The following CASC3 variants were observed in gnomAD, a reference collection of about 807,000 sequenced individuals.
The protein encoded by CASC3 is CASC3 exon junction complex subunit, also known as protein CASC3.
A neutral mutation model predicts 80.5 loss-of-function variants in CASC3; 30 were observed. That is an observed-to-expected ratio of 0.37 (90% CI 0.28 to 0.51). CASC3 has a LOEUF of 0.51. Ranked by LOEUF, CASC3 falls within the 20% of genes least tolerant of loss-of-function variation. The pLI, the probability that CASC3 is intolerant of heterozygous loss-of-function variation, is 0.94. For synonymous variants in CASC3, 312 were observed against 333.6 expected (o/e 0.94, Z 0.70); for missense variants, 824 against 922.2 (o/e 0.89, Z 1.38).
In CASC3 at chr17:40,171,395, C is replaced by G; in HGVS notation, c.*990C>G. ...CTTCTTTCCATTCTTCTTGCTACAC[C>G]CCTTTTCCAGTTGCTGTGGACCAAT... On this transcript the variant is annotated 3_prime_UTR_variant, in exon 14 of 14. Transcript: ENST00000264645. 1 of 986,102 alleles carries G rather than the reference C, an allele frequency of 1.0e-6. No individual in the cohort carries two copies. The highest frequency in any genetic ancestry group is 1.2e-6 in the Non-Finnish European group (1 of 830,076). The allele number at this position is 986,102 out of a possible 1,614,324, so 61.1% of individuals were successfully genotyped here.
chr17:40,155,464 A>G (rs148309513), intron 3 of CASC3, among the ~76,000 whole-genome samples: 92 of 152,286 alleles, frequency 6.0e-4, no homozygotes, highest in Admixed American at 2.4e-3. Context: ...TTTACTTATA[A>G]TAAAGCATAG....
In CASC3 at chr17:40,167,311, T is replaced by G. The variant is rs994262495; in HGVS notation, c.1537-187T>G. ...ATGCATGTTTCTTTTAATTTGGATCTCCTAAATGTAAGGTAGAAGGTTTAG... is the reference window on the plus strand; with the variant it reads ...ATGCATGTTTCTTTTAATTTGGATCGCCTAAATGTAAGGTAGAAGGTTTAG... On this transcript the variant is annotated intron_variant, in intron 8 of 13. Coordinates refer to ENST00000264645, the MANE Select transcript of CASC3 (RefSeq NM_007359.5). 1.0e-5 allele frequency: 6 copies of G among 588,958 alleles called. No individual in the cohort carries two copies. The African/African-American group carries it at 1.1e-4, about 11-fold the overall frequency. The allele number at this position is 588,958 out of a possible 1,614,324, so 36.5% of individuals were successfully genotyped here.
At chr17:40,159,549 T>G (rs1172633710) in intron 3 of CASC3, among the ~76,000 whole-genome samples, 4 of 144,506 alleles carry the variant, frequency 2.8e-5, no homozygotes, top group Admixed American at 6.8e-5. Flanking sequence ...TGTGTGTTTT[T>G]TTTTTTTTTT....
chr17:40,168,148 A>G, intron 10 of CASC3, 55 bp from the exon 11 acceptor site: 1 of 1,514,176 alleles, frequency 6.6e-7, no homozygotes, highest in Non-Finnish European at 9.2e-7. Flanking sequence ...CAGCCGGGCC[A>G]TCCTGTGAAA....
In CASC3 at chr17:40,152,343, C is replaced by T. The variant is rs150619296; in HGVS notation, c.298-9410C>T. Among the ~76,000 whole-genome samples, 666 of 151,036 alleles carry T rather than the reference C, an allele frequency of 4.4e-3. 21 individuals are homozygous for T. Among genetic ancestry groups the T allele is most frequent in the Admixed American group, 0.031 (474 of 15,096 alleles). On this transcript the variant is annotated intron_variant, in intron 3 of 13. Transcript: ENST00000264645. ...TTTTATTTTTATTTTTTTTTTGAGA[C>T]GGAGTTTCACTCTTGTTGCCCAGGC...
chr17:40,165,698 G>A (rs1027463850), intron 7 of CASC3, among the ~76,000 whole-genome samples: 4 of 150,474 alleles, frequency 2.7e-5, no homozygotes, highest in Non-Finnish European at 5.9e-5. Context: ...ATAGAACTTT[G>A]TGTAATGATT....
At chr17:40,170,304 G>T in intron 13 of CASC3, 143 bp from the exon 14 acceptor site, 1 of 343,574 alleles carries the variant, frequency 2.9e-6, no homozygotes, top group Non-Finnish European at 4.1e-6. Flanking sequence ...TAGAGGAGAA[G>T]GACTGGGGGT....
chr17:40,169,674 A>G lies in CASC3; in HGVS notation c.*41+12A>G. On this transcript the variant is annotated intron_variant, in intron 13 of 13. Transcript: ENST00000264645. ...AACATCATATAAAAGTAAGTGCACA[A>G]CTTACTGTGAATATTGTTAAAACTA... 3 of 1,385,274 alleles carry G rather than the reference A, an allele frequency of 2.2e-6. No homozygotes were observed. The highest frequency in any genetic ancestry group is 3.0e-6 in the Non-Finnish European group (3 of 1,010,990). The allele number at this position is 1,385,274 out of a possible 1,614,324, so 85.8% of individuals were successfully genotyped here.
In CASC3 at chr17:40,167,581, C is replaced by T; in HGVS notation, c.1620C>T (p.Ile540=). ...VPEPPAPPVH[I]SIMEGHYYDP... ...AGCCCCCCGCCCCTCCAGTGCATATCAGTATCATGGAGGGACATTACTATG... is the reference window on the plus strand; with the variant it reads ...AGCCCCCCGCCCCTCCAGTGCATATTAGTATCATGGAGGGACATTACTATG... The change falls in exon 9 of 14, where the codon ATC becomes ATT. Residue 540 remains isoleucine, a synonymous_variant. Transcript: ENST00000264645. 2 of 1,613,556 alleles carry T rather than the reference C, an allele frequency of 1.2e-6. No individual in the cohort carries two copies. Among genetic ancestry groups the T allele is most frequent in the Non-Finnish European group, 1.7e-6 (2 of 1,179,532 alleles).
At position 40,168,406 on chromosome 17, in the gene CASC3, C is replaced by G. The variant is rs547765317; in HGVS notation, c.1954C>G (p.Pro652Ala). 1 of 1,612,934 alleles carries G rather than the reference C, an allele frequency of 6.2e-7. No individual in the cohort carries two copies. The highest frequency in any genetic ancestry group is 1.3e-5 in the African/African-American group (1 of 74,982). Residue 652 changes from proline to alanine, a missense_variant, in exon 11 of 14, where the codon CCT (proline) becomes GCT (alanine). Physicochemically the swap from Pro to Ala is conservative, Grantham distance 27. This residue lies in a region of CASC3 where 464 missense variants were observed against 506.0 expected (regional missense o/e 0.92). Coordinates refer to ENST00000264645, the MANE Select transcript of CASC3 (RefSeq NM_007359.5). ...TCCCCCACCACCGCCTCATCTGTAT[C>G]CTAATACACAGGTGAGATGGCTAAT... ...LPPPPPPHLY[P>A]NTQAPSQVYG...
chr17:40,145,313 A>G (rs973299215), intron 3 of CASC3, among the ~76,000 whole-genome samples: 5 of 151,946 alleles, frequency 3.3e-5, no homozygotes, highest in African/African-American at 7.3e-5. Context: ...AGCTGGGACT[A>G]CAGGTGTGCA....
chr17:40,167,814 A>C (rs376330541), intron 9 of CASC3, 36 bp from the exon 10 acceptor site: 2 of 1,558,282 alleles, frequency 1.3e-6, no homozygotes, highest in Non-Finnish European at 1.8e-6. Flanking sequence ...TGTGAAGAGT[A>C]AGGGTTTATG....
In CASC3 at chr17:40,162,710, C is replaced by T. The variant is rs1409997898; in HGVS notation, c.609-15C>T. ...ATTCTGCTGACCCAAGACACTTTTC[C>T]TTCATTTTATCCAGACCCAAGGGGC... On this transcript the variant is annotated splice_polypyrimidine_tract_variant and intron_variant, in intron 5 of 13. Coordinates refer to ENST00000264645, the MANE Select transcript of CASC3 (RefSeq NM_007359.5). The T allele has an allele frequency of 1.2e-6, 2 of 1,611,680 alleles. No homozygotes were observed. The highest frequency in any genetic ancestry group is 2.7e-5 in the African/African-American group (2 of 74,778).
chr17:40,165,145 G>C (rs1425606202), intron 7 of CASC3, among the ~76,000 whole-genome samples: 15 of 151,304 alleles, frequency 9.9e-5, no homozygotes, highest in Admixed American at 9.2e-4. Context: ...GGATGGTCTC[G>C]ATCTCCTGAC....
At chr17:40,154,971 G>A (rs1354062362) in intron 3 of CASC3, among the ~76,000 whole-genome samples, 1 of 150,498 alleles carries the variant, frequency 6.6e-6, no homozygotes, top group South Asian at 2.1e-4. Flanking sequence ...TTCACTGCAA[G>A]CTCTGCCTCC....
In CASC3 at chr17:40,152,897, C is replaced by T. The variant is rs981567269; in HGVS notation, c.298-8856C>T. On this transcript the variant is annotated intron_variant, in intron 3 of 13. Coordinates refer to ENST00000264645, the MANE Select transcript of CASC3 (RefSeq NM_007359.5). ...GTTCAAGCAATTCTTCTGCCTCAGC[C>T]TCCTGAGTAGTTGGGATTACAAGCG... is the stretch of plus-strand genomic sequence containing the variant. Among the ~76,000 whole-genome samples the T allele has an allele frequency of 5.1e-4, 77 of 152,220 alleles. 1 individual carries two copies. Among genetic ancestry groups the T allele is most frequent in the Middle Eastern group, 3.4e-3 (1 of 294 alleles).
Position 40,171,860 on chromosome 17 carries a change from T to G in CASC3, c.*1455T>G. The G allele has an allele frequency of 8.4e-7, 1 of 1,193,342 alleles. No homozygotes were observed. Among genetic ancestry groups the G allele is most frequent in the Non-Finnish European group, 1.1e-6 (1 of 943,874 alleles). 73.9% of individuals were successfully genotyped at this position (1,193,342 alleles called of 1,614,324 possible). ...TGAGTCACAGGTGTGGGATGGAGAG[T>G]GGGGAGAGGCACTTAATCTGTAACC... On this transcript the variant is annotated 3_prime_UTR_variant, in exon 14 of 14. Transcript: ENST00000264645.
chr17:40,159,711 A>ATTTTTTT (rs71152647), intron 3 of CASC3, among the ~76,000 whole-genome samples: 1 of 93,166 alleles, frequency 1.1e-5, no homozygotes. Flanking sequence ...TTCCTGGCGA[A>ATTTTTTT]TTTTTTTTTT....
intron 3 of CASC3, among the ~76,000 whole-genome samples, chr17:40,149,322 T>C (rs2145158210): frequency 6.6e-6 from 1 of 151,642 alleles, no homozygotes; most frequent in South Asian, 2.1e-4. Flanking sequence ...GGTCTCCTTA[T>C]TTTGCCCAAG....
Sources: allele counts gnomAD v4.1 joint callset (sites outside exome capture counted in the v4.1 genomes callset), GRCh38; gene constraint gnomAD v4.1.1; regional missense constraint gnomAD v4.1.1; transcripts MANE v1.5; gene names NCBI Gene and HGNC (gene_info 2026-07-23, HGNC 2026-07-21).